The following INPP5A variants were observed in gnomAD, a reference collection of about 807,000 sequenced individuals.
The protein encoded by INPP5A is 43 kDa inositol polyphosphate 5-phophatase.
A neutral mutation model predicts 65.2 loss-of-function variants in INPP5A; 14 were observed. The observed-to-expected ratio is 0.21, with a 90% confidence interval of 0.14 to 0.34. The LOEUF is 0.34. INPP5A is among the 10% of genes least tolerant of loss of function. INPP5A has a pLI of 1.00. For missense variants in INPP5A, 431 were observed against 545.6 expected (o/e 0.79, Z 2.09); for synonymous variants, 207 against 208.3 (o/e 0.99, Z 0.05).
chr10:132,548,238 A>C (rs972517533), intron 1 of INPP5A, among the ~76,000 whole-genome samples: 1 of 152,100 alleles, frequency 6.6e-6, no homozygotes, highest in African/African-American at 2.4e-5. Flanking sequence ...GGGCCAATGC[A>C]GCTGGAAGGG....
chr10:132,542,080 A>G (rs1224324507), intron 1 of INPP5A, among the ~76,000 whole-genome samples: 1 of 152,218 alleles, frequency 6.6e-6, no homozygotes, highest in East Asian at 1.9e-4. Context: ...GAGGAGGTGA[A>G]TTCTTGCCAG....
chr10:132,616,399 C>T lies in INPP5A; in HGVS notation c.117+8443C>T, dbSNP rs1372822404. On this transcript the variant is annotated intron_variant, in intron 2 of 15. Coordinates refer to ENST00000368594, the MANE Select transcript of INPP5A (RefSeq NM_005539.5). This position sits in a 1 kb window ranked among gnomAD's most constrained non-coding sequence, Gnocchi z 4.9. ...CGTGGGCGTGGTGTGAGGTATGTGG[C>T]GTGCGGGGACGCCGTGGGCGTGGTG... Among the ~76,000 whole-genome samples the T allele has an allele frequency of 1.3e-5, 2 of 151,202 alleles. No individual in the cohort carries two copies. Among genetic ancestry groups the T allele is most frequent in the East Asian group, 4.0e-4 (2 of 5,046 alleles).
At chr10:132,566,789 C>T (rs1166268608) in intron 1 of INPP5A, among the ~76,000 whole-genome samples, 1 of 152,148 alleles carries the variant, frequency 6.6e-6, no homozygotes. Flanking sequence ...CCCCATGTAA[C>T]CACAGTTGTG....
chr10:132,691,095 G>A (rs905456124), intron 5 of INPP5A, among the ~76,000 whole-genome samples: 4 of 152,248 alleles, frequency 2.6e-5, no homozygotes, highest in African/African-American at 7.2e-5. Context: ...CCTGCACGTC[G>A]TAGTAACTGT....
chr10:132,755,760 G>A (rs1415001585), intron 11 of INPP5A, among the ~76,000 whole-genome samples: 1 of 152,066 alleles, frequency 6.6e-6, no homozygotes, highest in African/African-American at 2.4e-5. Flanking sequence ...CCTGAGGGAG[G>A]TCCTGGCCAC....
intron 8 of INPP5A, among the ~76,000 whole-genome samples, chr10:132,726,210 G>A (rs1310665845): frequency 2.0e-5 from 3 of 152,222 alleles, no homozygotes; most frequent in Admixed American, 6.5e-5. Context: ...ATACACACAC[G>A]TATGCAGCCA....
intron 9 of INPP5A, 50 bp from the exon 10 acceptor site, chr10:132,749,467 T>A (rs568308796): frequency 6.6e-7 from 1 of 1,525,034 alleles, no homozygotes; most frequent in East Asian, 2.3e-5. Context: ...GACGCTGCCA[T>A]GGGCAGGTGG....
At chr10:132,570,476 G>A (rs1214667992) in intron 1 of INPP5A, among the ~76,000 whole-genome samples, 2 of 152,126 alleles carry the variant, frequency 1.3e-5, no homozygotes, top group African/African-American at 4.8e-5. Flanking sequence ...GTCTGGGGAG[G>A]GGAGAAAGGG....
chr10:132,539,263 A>G (rs1590814035), intron 1 of INPP5A, among the ~76,000 whole-genome samples: 1 of 152,190 alleles, frequency 6.6e-6, no homozygotes, highest in Non-Finnish European at 1.5e-5. Flanking sequence ...CTGTCCCTGC[A>G]GGGCCAGAGG....
intron 1 of INPP5A, among the ~76,000 whole-genome samples, chr10:132,553,339 C>T (rs2071079174): frequency 7.0e-6 from 1 of 142,812 alleles, no homozygotes; most frequent in African/African-American, 2.7e-5. Flanking sequence ...CTTCTCAGAG[C>T]CTTGGTGGCA....
At chr10:132,720,124 C>T (rs1473542596) in intron 8 of INPP5A, among the ~76,000 whole-genome samples, 401 of 50,428 alleles carry the variant, frequency 8.0e-3, no homozygotes, top group Admixed American at 0.015. Context: ...GGGTTCTGTC[C>T]GGGCACCTTA....
Position 132,538,138 on chromosome 10 carries a change from G to T in INPP5A, c.42G>T (p.Leu14=), listed in dbSNP as rs183215914. Residue 14 remains leucine (L), a synonymous_variant, in exon 1 of 16, where the codon CTG becomes CTT. Coordinates refer to ENST00000368594, the MANE Select transcript of INPP5A (RefSeq NM_005539.5). This position sits in a 1 kb window ranked among gnomAD's most constrained non-coding sequence, Gnocchi z 4.1. ...KAAAPGTAVL[L]VTANVGSLFD... is the part of the protein sequence containing the mutation. The stretch of plus-strand genomic sequence containing the variant: ...CCGCCCCGGGCACCGCGGTGCTGCT[G>T]GTCACGGCCAACGTGGGCTCGCTCT... The T allele has an allele frequency of 3.4e-3, 4,323 of 1,272,730 alleles. 83 individuals carry two copies. The African/African-American group carries it at 0.053, about 16-fold the overall frequency. The allele number at this position is 1,272,730 out of a possible 1,614,324, so 78.8% of individuals were successfully genotyped here.
In INPP5A at chr10:132,776,566, C is replaced by T. The variant is rs116046603; in HGVS notation, c.978-1105C>T. 2.1e-3 allele frequency among the ~76,000 whole-genome samples: 315 copies of T among 152,348 alleles called. 2 individuals carry two copies. The highest frequency in any genetic ancestry group is 6.9e-3 in the African/African-American group (287 of 41,582). On this transcript the variant is annotated intron_variant, in intron 12 of 15. Coordinates refer to ENST00000368594, the MANE Select transcript of INPP5A (RefSeq NM_005539.5). ...GATATTTTGGAATTAACTGAAAAAA[C>T]TCTTGAGACTCTGGTGAAGGCCCCA...
intron 11 of INPP5A, among the ~76,000 whole-genome samples, chr10:132,755,426 A>G (rs1846581985): frequency 1.4e-5 from 2 of 145,622 alleles, no homozygotes; most frequent in South Asian, 4.6e-4. Flanking sequence ...GCATATGCAT[A>G]TGAGTGGGTG....
Position 132,706,593 on chromosome 10 carries a change from C to T in INPP5A, c.475-1720C>T, listed in dbSNP as rs1027317139. ...AGTGTGTACGGGAAGGGTTGGCTGG[C>T]TTCAGCATCACCCCCACCAGTGTGT... On this transcript the variant is annotated intron_variant, in intron 6 of 15. Transcript: ENST00000368594. The surrounding 1 kb of genome is among the most constrained non-coding windows in gnomAD (Gnocchi z 4.7). 1.3e-5 allele frequency among the ~76,000 whole-genome samples: 2 copies of T among 152,206 alleles called. No homozygotes were observed. The highest frequency in any genetic ancestry group is 2.9e-5 in the Non-Finnish European group (2 of 68,042).
intron 4 of INPP5A, among the ~76,000 whole-genome samples, chr10:132,671,087 T>TC (rs915883337): frequency 2.6e-5 from 4 of 152,044 alleles, no homozygotes; most frequent in Non-Finnish European, 5.9e-5. Context: ...GGTCTCTCTT[T>TC]CATATTGTTG....
intron 5 of INPP5A, among the ~76,000 whole-genome samples, chr10:132,692,830 C>A (rs1845289648): frequency 6.6e-6 from 1 of 152,114 alleles, no homozygotes; most frequent in Non-Finnish European, 1.5e-5. Flanking sequence ...TCATATAGCC[C>A]AGAAACTCTG....
In INPP5A at chr10:132,594,569, A is replaced by G. The variant is rs1182218636; in HGVS notation, c.76-13346A>G. ...TGCATGCGTGTGTAGGTGTGCCCAC[A>G]TGCACATGCATAGGTGTGTGGTATG... is the stretch of plus-strand genomic sequence containing the variant. On this transcript the variant is annotated intron_variant, in intron 1 of 15. Transcript: ENST00000368594. Among the ~76,000 whole-genome samples the G allele has an allele frequency of 2.0e-5, 3 of 150,370 alleles. No homozygotes were observed. The South Asian group carries it at 6.4e-4, about 32-fold the overall frequency.
chr10:132,680,165 A>G (rs1178273383), intron 4 of INPP5A, among the ~76,000 whole-genome samples: 1 of 152,216 alleles, frequency 6.6e-6, no homozygotes, highest in Non-Finnish European at 1.5e-5. Flanking sequence ...GTAAAAAGGC[A>G]ACCGTGGAAT....
Sources: allele counts gnomAD v4.1 joint callset (sites outside exome capture counted in the v4.1 genomes callset), GRCh38; gene constraint gnomAD v4.1.1; non-coding constraint Gnocchi (gnomAD v3.1); transcripts MANE v1.5; gene names NCBI Gene and HGNC (gene_info 2026-07-23, HGNC 2026-07-21).